The following MAP4K4 variants were observed in gnomAD, a reference collection of about 807,000 sequenced individuals.
The protein encoded by MAP4K4 is mitogen-activated protein kinase kinase kinase kinase 4, also known as HPK/GCK-like kinase HGK.
MAP4K4 carries 38 observed loss-of-function variants against 189.6 expected under a neutral mutation model. The ratio of observed to expected loss-of-function variants is 0.20; its 90% CI spans 0.15 to 0.26. The LOEUF (loss-of-function observed/expected upper bound fraction) is 0.26. Ranked by LOEUF, MAP4K4 falls within the 10% of genes least tolerant of loss-of-function variation. MAP4K4 has a pLI of 1.00. For synonymous variants in MAP4K4, 610 were observed against 624.3 expected (o/e 0.98, Z 0.34); for missense variants, 1,054 against 1,726.9 (o/e 0.61, Z 6.91).
At chr2:101,757,243 A>G (rs2073345215) in intron 2 of MAP4K4, among the ~76,000 whole-genome samples, 1 of 152,258 alleles carries the variant, frequency 6.6e-6, no homozygotes, top group African/African-American at 2.4e-5. Flanking sequence ...TTTTGGAATA[A>G]TGATATGTTA....
At chr2:101,804,967 G>A (rs200679216) in intron 3 of MAP4K4, among the ~76,000 whole-genome samples, 2 of 151,486 alleles carry the variant, frequency 1.3e-5, no homozygotes, top group East Asian at 3.9e-4. Context: ...CCAGCTACTC[G>A]GGAGGCTGAG....
chr2:101,752,158 G>GAGGAT (rs1227212757), intron 2 of MAP4K4, among the ~76,000 whole-genome samples: 1 of 152,152 alleles, frequency 6.6e-6, no homozygotes, highest in Non-Finnish European at 1.5e-5. Context: ...TTTTTCCAGG[G>GAGGAT]TTGTAAAGTG....
chr2:101,861,078 AC>A, intron 16 of MAP4K4, 92 bp downstream of exon 16: 1 of 1,204,036 alleles, frequency 8.3e-7, no homozygotes, highest in Non-Finnish European at 1.1e-6. Context: ...TTAGTTTGTC[AC>A]CACACTGAAA....
intron 14 of MAP4K4, 41 bp from the exon 15 acceptor site, chr2:101,859,602 C>T (rs369975943): frequency 8.4e-6 from 12 of 1,424,500 alleles, no homozygotes; most frequent in African/African-American, 1.4e-5. Context: ...GCGAGCTCTC[C>T]AGTGTCCCAT....
At chr2:101,808,947 G>C (rs576268693) in intron 3 of MAP4K4, among the ~76,000 whole-genome samples, 7 of 152,142 alleles carry the variant, frequency 4.6e-5, no homozygotes, top group Admixed American at 4.6e-4. Flanking sequence ...TGTATTTCCA[G>C]TCTTTGCGGA....
At chr2:101,816,715 C>CAT (rs1175939570) in intron 3 of MAP4K4, among the ~76,000 whole-genome samples, 2 of 152,174 alleles carry the variant, frequency 1.3e-5, no homozygotes, top group African/African-American at 2.4e-5. Context: ...ATTGGTACAT[C>CAT]ATAGTAAACA....
chr2:101,715,663 T>G (rs1219212630), intron 2 of MAP4K4, among the ~76,000 whole-genome samples: 2 of 152,266 alleles, frequency 1.3e-5, no homozygotes, highest in Middle Eastern at 3.4e-3. Flanking sequence ...GGTTTAAAAT[T>G]TTGGATTAGG....
At chr2:101,761,917 C>G (rs2076638862) in intron 2 of MAP4K4, among the ~76,000 whole-genome samples, 1 of 152,168 alleles carries the variant, frequency 6.6e-6, no homozygotes, top group Non-Finnish European at 1.5e-5. Context: ...GAGCTACATT[C>G]AGCGCTGGTG....
intron 2 of MAP4K4, among the ~76,000 whole-genome samples, chr2:101,748,298 T>C (rs1265104658): frequency 6.6e-6 from 1 of 152,180 alleles, no homozygotes; most frequent in Non-Finnish European, 1.5e-5. Context: ...TGTGTGTGGG[T>C]ATGTGCCTCT....
Position 101,887,581 on chromosome 2 carries a change from G to A in MAP4K4, c.3772-197G>A, listed in dbSNP as rs568344364. On this transcript the variant is annotated intron_variant, in intron 30 of 32. Coordinates refer to ENST00000324219, the Ensembl canonical transcript of MAP4K4. ...GTTTCATGGGCCTCAGGAGATATGA[G>A]TCAGTAGAGTATATTACTGGGAAAA... is the stretch of plus-strand genomic sequence containing the variant. 5.2e-4 allele frequency among the ~76,000 whole-genome samples: 79 copies of A among 152,316 alleles called. 1 individual carries two copies. Among genetic ancestry groups the A allele is most frequent in the Non-Finnish European group, 5.1e-4 (35 of 68,036 alleles).
intron 3 of MAP4K4, among the ~76,000 whole-genome samples, chr2:101,795,666 G>A (rs1437727346): frequency 6.6e-6 from 1 of 152,180 alleles, no homozygotes; most frequent in Non-Finnish European, 1.5e-5. Flanking sequence ...TATATTTGGA[G>A]ACTAATATCT....
chr2:101,819,611 T>A (rs1004078499), intron 3 of MAP4K4, among the ~76,000 whole-genome samples: 1 of 152,224 alleles, frequency 6.6e-6, no homozygotes, highest in African/African-American at 2.4e-5. Context: ...ATAATTTCCT[T>A]GCAATATATT....
chr2:101,859,552 T>C (rs1300186074), intron 14 of MAP4K4, 91 bp from the exon 15 acceptor site: 30 of 971,260 alleles, frequency 3.1e-5, no homozygotes, highest in Non-Finnish European at 4.4e-5. Context: ...GGAAAATATA[T>C]GGTCACTTTT....
intron 2 of MAP4K4, among the ~76,000 whole-genome samples, chr2:101,710,853 T>C (rs1337883123): frequency 6.6e-6 from 1 of 152,210 alleles, no homozygotes; most frequent in East Asian, 1.9e-4. Context: ...AATACTACTT[T>C]GAATAAAGAT....
At chr2:101,797,794 G>A (rs1264142202) in intron 3 of MAP4K4, among the ~76,000 whole-genome samples, 1 of 147,474 alleles carries the variant, frequency 6.8e-6, no homozygotes, top group Admixed American at 6.8e-5. Context: ...AGAACTAATA[G>A]TTCCACTGTA....
At chr2:101,718,168 A>G (rs1397625744) in intron 2 of MAP4K4, among the ~76,000 whole-genome samples, 2 of 151,714 alleles carry the variant, frequency 1.3e-5, no homozygotes, top group Non-Finnish European at 2.9e-5. Flanking sequence ...AGGCAGGAGA[A>G]TCACTTGAAC....
chr2:101,741,877 T>C (rs1325002225), intron 2 of MAP4K4, among the ~76,000 whole-genome samples: 2 of 152,154 alleles, frequency 1.3e-5, no homozygotes, highest in African/African-American at 4.8e-5. Context: ...TTACACGGGG[T>C]TGTGAGAACT....
chr2:101,712,826 A>G (rs1335156301), intron 2 of MAP4K4, among the ~76,000 whole-genome samples: 1 of 151,520 alleles, frequency 6.6e-6, no homozygotes, highest in East Asian at 1.9e-4. Flanking sequence ...AATATCAAAG[A>G]TCCTGGCCTT....
chr2:101,891,266 G>A, exon 33 of MAP4K4: 2 of 1,604,086 alleles, frequency 1.2e-6, no homozygotes, highest in Non-Finnish European at 1.7e-6. Context: ...TGTGATCCAG[G>A]GATTACTGGC....
Sources: gnomAD v4.1 joint callset for allele counts (sites outside exome capture counted in the v4.1 genomes callset) on GRCh38, gnomAD v4.1.1 for gene constraint, MANE v1.5 for transcripts, NCBI Gene and HGNC (gene_info 2026-07-23, HGNC 2026-07-21) for gene names.